Variants in PPP4R3A observed in about 807,000 individuals in gnomAD.
PPP4R3A encodes serine/threonine-protein phosphatase 4 regulatory subunit 3A.
In PPP4R3A, 15 loss-of-function variants were observed where a neutral mutation model predicts 91.7. The observed-to-expected ratio is 0.16, with a 90% CI of 0.11 to 0.25. The LOEUF (loss-of-function observed/expected upper bound fraction) is 0.25. Ranked by LOEUF, PPP4R3A falls within the 10% of genes least tolerant of loss-of-function variation. The pLI is 1.00. For synonymous variants in PPP4R3A, 377 were observed against 348.7 expected, an observed-to-expected ratio of 1.08 and a Z score of -0.91; for missense variants, 623 against 998.4, an observed-to-expected ratio of 0.62 and a Z score of 5.07.
chr14:91,508,854 T>C lies in PPP4R3A; in HGVS notation c.142+652A>G, dbSNP rs142549328. On this transcript the variant is annotated intron_variant, in intron 1 of 14. Transcript: ENST00000554943. Reference sequence around the variant, plus strand: ...AAAAAAGCTCATATGATTCCAACTTTGCAAGATGTTTATATAGTAAGCTAC... The same window carrying C: ...AAAAAAGCTCATATGATTCCAACTTCGCAAGATGTTTATATAGTAAGCTAC... 5.6e-3 allele frequency among the ~76,000 whole-genome samples: 853 copies of C among 152,310 alleles called. 5 individuals carry two copies. The highest frequency in any genetic ancestry group is 0.019 in the African/African-American group (810 of 41,580).
chr14:91,488,354 G>A (rs1890025768), intron 2 of PPP4R3A, among the ~76,000 whole-genome samples: 1 of 152,202 alleles, frequency 6.6e-6, no homozygotes, highest in Non-Finnish European at 1.5e-5. Flanking sequence ...ATTTGGTTGT[G>A]CAGTATTACT....
rs781642300 is a variant in PPP4R3A at position 91,473,043 on chromosome 14, T to C, written c.1491A>G (p.Lys497=). 1 of 1,613,648 alleles carries C rather than the reference T, an allele frequency of 6.2e-7. No homozygotes were observed. The highest frequency in any genetic ancestry group is 1.7e-5 in the Admixed American group (1 of 59,922). Residue 497 remains lysine (K), a synonymous_variant, in exon 9 of 15, where the codon AAA becomes AAG. Coordinates refer to ENST00000554943, the MANE Select transcript of PPP4R3A (RefSeq NM_001366432.2). ...APLLANTTED[K]PSKDDFQTAQ... is the part of the protein sequence containing the mutation. ...CCTGAATTATCTTACCTTTACTAGG[T>C]TTGTCTTCTGTTGTATTTGCTAGTA...
chr14:91,504,947 T>C (rs1005769827), intron 1 of PPP4R3A, among the ~76,000 whole-genome samples: 1 of 152,184 alleles, frequency 6.6e-6, no homozygotes. Context: ...TCCACAAATA[T>C]AGACCCAATA....
At chr14:91,495,030 T>A (rs1192769382) in intron 1 of PPP4R3A, among the ~76,000 whole-genome samples, 1 of 152,122 alleles carries the variant, frequency 6.6e-6, no homozygotes, top group Non-Finnish European at 1.5e-5. Flanking sequence ...TGGAAAAGTT[T>A]GGCAGTTCCT....
Position 91,458,487 on chromosome 14 carries a change from T to G in PPP4R3A, c.*272A>C. ...TTCCACTTACAAAACCCCTGCCCTG[T>G]TGGCTTTTTGTTTCCATTTCCTTCC... On this transcript the variant is annotated 3_prime_UTR_variant, in exon 15 of 15. Coordinates refer to ENST00000554943, the MANE Select transcript of PPP4R3A (RefSeq NM_001366432.2). 6.1e-6 allele frequency: 3 copies of G among 489,280 alleles called. No homozygotes were observed. Among genetic ancestry groups the G allele is most frequent in the East Asian group, 8.1e-5 (2 of 24,722 alleles). The allele number at this position is 489,280 out of a possible 1,614,324, so 30.3% of individuals were successfully genotyped here.
intron 4 of PPP4R3A, among the ~76,000 whole-genome samples, chr14:91,479,731 G>A (rs1021696586): frequency 3.9e-5 from 6 of 152,026 alleles, no homozygotes; most frequent in African/African-American, 1.4e-4. Flanking sequence ...TAGTAGAGAC[G>A]GGGTTTCGCC....
chr14:91,472,821 A>AAAAC (rs1555434920), intron 9 of PPP4R3A, among the ~76,000 whole-genome samples: 1 of 50,982 alleles, frequency 2.0e-5, no homozygotes, highest in Non-Finnish European at 3.6e-5. Flanking sequence ...GCTTTTGATA[A>AAAAC]AAACAACCAA....
chr14:91,507,251 A>T (rs780336729), intron 1 of PPP4R3A, among the ~76,000 whole-genome samples: 1 of 150,426 alleles, frequency 6.6e-6, no homozygotes, highest in Non-Finnish European at 1.5e-5. Flanking sequence ...AACTCAGGAG[A>T]TGGAGGTTGC....
At chr14:91,481,482 T>A (rs181450548) in intron 4 of PPP4R3A, 94 bp downstream of exon 4, 3 of 1,288,472 alleles carry the variant, frequency 2.3e-6, no homozygotes. Context: ...ACTTTATACA[T>A]TAACAAAATT....
chr14:91,465,801 C>A (rs757008668), intron 10 of PPP4R3A, among the ~76,000 whole-genome samples: 39 of 152,040 alleles, frequency 2.6e-4, no homozygotes, highest in Non-Finnish European at 2.9e-5. Flanking sequence ...ATAGAAAAAA[C>A]CAGTGTTTTA....
At chr14:91,475,644 A>C in intron 7 of PPP4R3A, 167 bp downstream of exon 7, 1 of 573,042 alleles carries the variant, frequency 1.7e-6, no homozygotes, top group Non-Finnish European at 3.0e-6. Flanking sequence ...TTGCTGTAGG[A>C]CAAATTGATA....
At chr14:91,480,546 C>T (rs768881179) in intron 4 of PPP4R3A, among the ~76,000 whole-genome samples, 7 of 152,134 alleles carry the variant, frequency 4.6e-5, no homozygotes, top group Admixed American at 1.3e-4. Context: ...TTTACAAATT[C>T]GTTTTAAATT....
At chr14:91,504,337 AAAAAGAAAAG>A (rs1256917044) in intron 1 of PPP4R3A, among the ~76,000 whole-genome samples, 5 of 150,456 alleles carry the variant, frequency 3.3e-5, no homozygotes, top group Non-Finnish European at 5.9e-5. Flanking sequence ...AAAAAAAAAA[AAAAAGAAAAG>A]AAAAGAAAAG....
intron 1 of PPP4R3A, among the ~76,000 whole-genome samples, chr14:91,492,616 A>C (rs937960857): frequency 6.6e-6 from 1 of 152,200 alleles, no homozygotes; most frequent in Non-Finnish European, 1.5e-5. Context: ...TAATTAATCC[A>C]AAATCTCTTT....
At chr14:91,485,557 G>C (rs1196692532) in intron 3 of PPP4R3A, 75 bp downstream of exon 3, 2 of 937,002 alleles carry the variant, frequency 2.1e-6, no homozygotes, top group Non-Finnish European at 3.2e-6. Context: ...TTAAACTCTT[G>C]GGCATTAGTT....
chr14:91,477,401 T>C (rs528961050), intron 4 of PPP4R3A, among the ~76,000 whole-genome samples: 2 of 152,304 alleles, frequency 1.3e-5, no homozygotes, highest in South Asian at 4.1e-4. Context: ...TTATTAACTT[T>C]TAAAAGGTAG....
chr14:91,478,108 C>T (rs1390934931), intron 4 of PPP4R3A, among the ~76,000 whole-genome samples: 1 of 152,224 alleles, frequency 6.6e-6, no homozygotes, highest in Non-Finnish European at 1.5e-5. Flanking sequence ...GAAAAATCTT[C>T]TGTGGCACTA....
rs1490612128 is a variant in PPP4R3A, at chr14:91,481,891, A to G, written c.600T>C (p.Phe200=). The change falls in exon 4 of 15, where the codon TTT becomes TTC. Residue 200 remains phenylalanine (F), a synonymous_variant. Transcript: ENST00000554943. ...HHLYEIIKGI[F]LLNRTALFEV... ...CAAAAAGAGCAGTTCGATTCAAGAG[A>G]AAGATGCCTTTGATAATTTCATACA... 2 of 1,614,080 alleles carry G rather than the reference A, an allele frequency of 1.2e-6. No homozygotes were observed. The highest frequency in any genetic ancestry group is 8.5e-7 in the Non-Finnish European group (1 of 1,180,026).
At chr14:91,479,293 CGTGTGTGTGTGTGTGT>C (rs3029507) in intron 4 of PPP4R3A, among the ~76,000 whole-genome samples, 40 of 144,204 alleles carry the variant, frequency 2.8e-4, no homozygotes, top group South Asian at 9.0e-4. Context: ...TAAAAAACAA[CGTGTGTGTGTGTGTGT>C]GTGTGTGTGT....
Sources: gnomAD v4.1 joint callset for allele counts (sites outside exome capture counted in the v4.1 genomes callset) on GRCh38, gnomAD v4.1.1 for gene constraint, MANE v1.5 for transcripts, NCBI Gene and HGNC (gene_info 2026-07-23, HGNC 2026-07-21) for gene names.